Variants in FER1L5 observed in about 807,000 individuals in gnomAD.
FER1L5 encodes fer-1 like family member 5, also known as fer-1-like protein 5.
In FER1L5, 187 loss-of-function variants were observed where a neutral mutation model predicts 279.9. The ratio of observed to expected loss-of-function variants is 0.67; its 90% CI spans 0.59 to 0.75. FER1L5 has a LOEUF of 0.75. Among genes scored for constraint, FER1L5 ranks in the 30% least tolerant of loss-of-function variants. The pLI, the probability that FER1L5 is intolerant of heterozygous loss-of-function variation, is 0.00. For synonymous variants in FER1L5, 921 were observed against 989.7 expected, an observed-to-expected ratio of 0.93 and a Z score of 1.30; for missense variants, 2,091 against 2,594.4, an observed-to-expected ratio of 0.81 and a Z score of 4.21.
intron 9 of FER1L5, among the ~76,000 whole-genome samples, chr2:96,659,588 T>G (rs1421404640): frequency 6.7e-6 from 1 of 148,724 alleles, no homozygotes; most frequent in Non-Finnish European, 1.5e-5. Flanking sequence ...GCCTCCCGGG[T>G]TCACACCATT....
At chr2:96,664,562 G>A (rs946696745) in intron 14 of FER1L5, among the ~76,000 whole-genome samples, 1 of 152,144 alleles carries the variant, frequency 6.6e-6, no homozygotes, top group African/African-American at 2.4e-5. Flanking sequence ...TCCATTGTAT[G>A]GATGTACCAC....
chr2:96,663,344 G>A, intron 13 of FER1L5, 95 bp from the exon 14 acceptor site: 3 of 1,165,108 alleles, frequency 2.6e-6, no homozygotes, highest in Non-Finnish European at 3.8e-6. Context: ...GTGCTGTGGT[G>A]TCCACTGGGA....
rs1380325073 is a variant in FER1L5, at chr2:96,694,141, G to T, written c.3636+69G>T. ...CCCCTCCCCGTCCCACCCCCAGCCA[G>T]CGGGGGCCAACTCCACCCTGTCAGG... On this transcript the variant is annotated intron_variant, in intron 33 of 52. Transcript: ENST00000624922. The surrounding 1 kb of genome is among the most constrained non-coding windows in gnomAD (Gnocchi z 4.6). 2 of 1,480,378 alleles carry T rather than the reference G, an allele frequency of 1.4e-6. No homozygotes were observed. Among genetic ancestry groups the T allele is most frequent in the East Asian group, 2.5e-5 (1 of 40,384 alleles). The allele number at this position is 1,480,378 out of a possible 1,614,324, so 91.7% of individuals were successfully genotyped here. A position where few individuals can be genotyped will look rare whatever the true frequency, so the allele number is the denominator to read the frequency against.
chr2:96,676,394 C>T (rs754410460), intron 19 of FER1L5, among the ~76,000 whole-genome samples: 1 of 152,000 alleles, frequency 6.6e-6, no homozygotes, highest in African/African-American at 2.4e-5. Context: ...CTCAAACTCC[C>T]GACCTCAGGT....
At chr2:96,697,092 C>T (rs76488411) in intron 37 of FER1L5, among the ~76,000 whole-genome samples, 2,901 of 152,238 alleles carry the variant, frequency 0.019, 95 homozygotes, top group African/African-American at 0.065. Context: ...GAGGTAGGAC[C>T]CAGGCATCAA....
intron 19 of FER1L5, among the ~76,000 whole-genome samples, chr2:96,673,896 T>C (rs541365916): frequency 6.6e-6 from 1 of 152,308 alleles, no homozygotes; most frequent in African/African-American, 2.4e-5. Context: ...CCAGTTTGAG[T>C]ACCACTGCTG....
chr2:96,699,177 T>G, intron 42 of FER1L5, 41 bp downstream of exon 42: 1 of 1,561,154 alleles, frequency 6.4e-7, no homozygotes, highest in Non-Finnish European at 8.7e-7. Context: ...TCCACTCCTA[T>G]CCACACCACA....
chr2:96,700,003 G>A lies in FER1L5; in HGVS notation c.4853G>A (p.Gly1618Glu), dbSNP rs755814455. Residue 1618 changes from glycine to glutamate, a missense_variant, in exon 44 of 53, where the codon GGG (glycine) becomes GAG (glutamate). Gly to Glu is a moderately conservative substitution (Grantham distance 98, BLOSUM62 -2). Transcript: ENST00000624922. ...YLLERYAKRK[G>E]LPPPLFSPEE... ...CTAGAACGCTATGCCAAGCGGAAAG[G>A]GCTACCTCCGCCTCTGTTCAGTCCT... 1.2e-6 allele frequency: 2 copies of A among 1,613,990 alleles called. No homozygotes were observed. Among genetic ancestry groups the A allele is most frequent in the Non-Finnish European group, 1.7e-6 (2 of 1,179,898 alleles).
At chr2:96,670,085 C>A (rs541983752) in intron 17 of FER1L5, 34 bp from the exon 18 acceptor site, 2 of 1,550,758 alleles carry the variant, frequency 1.3e-6, no homozygotes, top group Middle Eastern at 1.7e-4. Context: ...TTTTCTCTCA[C>A]CCCTTTTCTC....
Position 96,702,874 on chromosome 2 carries a change from C to T in FER1L5, c.5398-104C>T. 6.5e-7 allele frequency: 1 copy of T among 1,530,176 alleles called. No homozygotes were observed. Among genetic ancestry groups the T allele is most frequent in the Non-Finnish European group, 8.8e-7 (1 of 1,131,036 alleles). 94.8% of individuals were successfully genotyped at this position (1,530,176 alleles called of 1,614,324 possible). A position where few individuals can be genotyped will look rare whatever the true frequency, so the allele number is the denominator to read the frequency against. ...AGAAACATGTCCTCAGGTGGAAACC[C>T]TCTTCCTTGATAGTCTATCACTGCT... On this transcript the variant is annotated intron_variant, in intron 48 of 52. Coordinates refer to ENST00000624922, the MANE Select transcript of FER1L5 (RefSeq NM_001293083.2). This position sits in a 1 kb window ranked among gnomAD's most constrained non-coding sequence, Gnocchi z 4.0.
rs1291819773 is a variant in FER1L5 at position 96,661,410 on chromosome 2, C to G, written c.864C>G (p.Ile288Met). The G allele has an allele frequency of 8.4e-6, 13 of 1,551,542 alleles. No homozygotes were observed. Among genetic ancestry groups the G allele is most frequent in the Non-Finnish European group, 1.1e-5 (13 of 1,146,980 alleles). ...TGACAGGCTACCTGAAAGTCACCAT[C>G]TATGCCCTCGGTGTGGGAGACCAGG... Reference protein sequence around the residue: ...SGVTGYLKVTIYALGVGDQAL... With the variant: ...SGVTGYLKVTMYALGVGDQAL... The change falls in exon 11 of 53, where the codon ATC (isoleucine) becomes ATG (methionine). Residue 288 changes from isoleucine to methionine, a missense_variant. Coordinates refer to ENST00000624922, the MANE Select transcript of FER1L5 (RefSeq NM_001293083.2).
chr2:96,663,347 C>T, intron 13 of FER1L5, 92 bp from the exon 14 acceptor site: 1 of 1,199,456 alleles, frequency 8.3e-7, no homozygotes, highest in Admixed American at 2.0e-5. Context: ...CTGTGGTGTC[C>T]ACTGGGAGGC....
In FER1L5 at chr2:96,694,215, C is replaced by T; in HGVS notation, c.3636+143C>T. ...GAGCTGTGGGCTTGGTGACGCTGGC[C>T]TGACCAGCCTCTCCCCTAAGTCCCC... On this transcript the variant is annotated intron_variant, in intron 33 of 52. Transcript: ENST00000624922. The surrounding 1 kb of genome is among the most constrained non-coding windows in gnomAD (Gnocchi z 4.6). 7.5e-7 allele frequency: 1 copy of T among 1,336,160 alleles called. No individual in the cohort carries two copies. Among genetic ancestry groups the T allele is most frequent in the Non-Finnish European group, 1.0e-6 (1 of 1,001,536 alleles). 82.8% of individuals were successfully genotyped at this position (1,336,160 alleles called of 1,614,324 possible).
chr2:96,672,087 A>T (rs1377878808), intron 18 of FER1L5, among the ~76,000 whole-genome samples: 1 of 151,964 alleles, frequency 6.6e-6, no homozygotes, highest in African/African-American at 2.4e-5. Context: ...AAGTAAAAAA[A>T]TTTTTTTTGA....
Position 96,699,040 on chromosome 2 carries a change from C to G in FER1L5, c.4519-5C>G. On this transcript the variant is annotated splice_polypyrimidine_tract_variant and splice_region_variant and intron_variant, in intron 41 of 52. Transcript: ENST00000624922. ...TATCCTTCCCCCACTTGTATCTGAC[C>G]CCAGTGTGACCCTTATGTGATCCTG... 2 of 1,606,404 alleles carry G rather than the reference C, an allele frequency of 1.2e-6. No homozygotes were observed. Among genetic ancestry groups the G allele is most frequent in the Non-Finnish European group, 1.7e-6 (2 of 1,176,420 alleles).
rs1573881673 is a variant in FER1L5 at position 96,676,617 on chromosome 2, A to C, written c.1669+3363A>C. ...ACTGGAATTTCCTGTGTTCGTTTTC[A>C]TCAGGTATTTTTTGTTTTTTTTTTT... On this transcript the variant is annotated intron_variant, in intron 19 of 52. Coordinates refer to ENST00000624922, the MANE Select transcript of FER1L5 (RefSeq NM_001293083.2). 4.7e-5 allele frequency among the ~76,000 whole-genome samples: 7 copies of C among 149,494 alleles called. 1 individual carries two copies. The South Asian group carries it at 1.5e-3, about 31-fold the overall frequency.
At chr2:96,703,667 C>T in intron 51 of FER1L5, 35 bp downstream of exon 51, 1 of 1,601,412 alleles carries the variant, frequency 6.2e-7, no homozygotes. Context: ...CCAGATCTTT[C>T]TTGCTCCTCA....
At position 96,695,920 on chromosome 2, in the gene FER1L5, C is replaced by T. The variant is rs202038118; in HGVS notation, c.4057+16C>T. The T allele has an allele frequency of 6.1e-5, 98 of 1,612,274 alleles. No homozygotes were observed. The highest frequency in any genetic ancestry group is 1.7e-5 in the Admixed American group (1 of 59,804). On this transcript the variant is annotated intron_variant, in intron 36 of 52. Transcript: ENST00000624922. ...AAGCTTCCAAGTACGGCCCTTCCTC[C>T]GTGCCTTTCCCCAGGCCTCACAAGC...
rs1227154063 is a variant in FER1L5 at position 96,704,716 on chromosome 2, C to T, written c.*24C>T. 6.3e-7 allele frequency: 1 copy of T among 1,594,590 alleles called. No individual in the cohort carries two copies. The highest frequency in any genetic ancestry group is 8.6e-7 in the Non-Finnish European group (1 of 1,162,712). On this transcript the variant is annotated 3_prime_UTR_variant, in exon 53 of 53. Coordinates refer to ENST00000624922, the MANE Select transcript of FER1L5 (RefSeq NM_001293083.2). ...AATTAGTCCATGCTGCCTGGCTTTCCTCCTGCTACCAACAGCCCTCCCCTT... is the reference window on the plus strand; with the variant it reads ...AATTAGTCCATGCTGCCTGGCTTTCTTCCTGCTACCAACAGCCCTCCCCTT...
Sources: gnomAD v4.1 joint callset for allele counts (sites outside exome capture counted in the v4.1 genomes callset) on GRCh38, gnomAD v4.1.1 for gene constraint, Gnocchi (gnomAD v3.1) non-coding constraint, MANE v1.5 for transcripts, NCBI Gene and HGNC (gene_info 2026-07-23, HGNC 2026-07-21) for gene names.